Variants in EBF2 observed in about 807,000 individuals in gnomAD.
EBF2 encodes transcription factor COE2.
A neutral mutation model predicts 72.8 loss-of-function variants in EBF2; 21 were observed. The observed-to-expected ratio is 0.29, with a 90% CI of 0.20 to 0.42. The LOEUF is 0.42. Ranked by LOEUF, EBF2 falls within the 10% of genes least tolerant of loss-of-function variation. EBF2 has a pLI of 1.00. For synonymous variants in EBF2, 299 were observed against 274.2 expected (o/e 1.09, Z -0.89); for missense variants, 637 against 731.2 (o/e 0.87, Z 1.49).
chr8:25,888,176 A>AC (rs2117291148), intron 8 of EBF2, among the ~76,000 whole-genome samples: 1 of 152,326 alleles, frequency 6.6e-6, no homozygotes, highest in African/African-American at 2.4e-5. Context: ...AGATAAGAAA[A>AC]CAAATCCTTG....
chr8:25,984,728 G>A (rs1319787753), intron 6 of EBF2, among the ~76,000 whole-genome samples: 2 of 151,876 alleles, frequency 1.3e-5, no homozygotes, highest in Non-Finnish European at 2.9e-5. Context: ...AGAAACCCCT[G>A]CTTCTAGGTA....
chr8:25,914,522 A>G (rs1002371981), intron 6 of EBF2, among the ~76,000 whole-genome samples: 1 of 152,200 alleles, frequency 6.6e-6, no homozygotes, highest in African/African-American at 2.4e-5. Flanking sequence ...AAAGTCCACA[A>G]GAATGAAAAG....
chr8:25,949,876 A>G (rs1446401064), intron 6 of EBF2, among the ~76,000 whole-genome samples: 2 of 152,228 alleles, frequency 1.3e-5, no homozygotes, highest in African/African-American at 4.8e-5. Flanking sequence ...GGCATTCATC[A>G]GTACCACACA....
At chr8:25,884,068 C>T (rs1802648204) in intron 10 of EBF2, among the ~76,000 whole-genome samples, 1 of 152,120 alleles carries the variant, frequency 6.6e-6, no homozygotes, top group East Asian at 1.9e-4. Flanking sequence ...GCTGGTTGCT[C>T]CTCTGCTCAA....
At chr8:25,903,430 T>A (rs929875708) in intron 7 of EBF2, among the ~76,000 whole-genome samples, 2 of 151,914 alleles carry the variant, frequency 1.3e-5, no homozygotes, top group Admixed American at 6.5e-5. Flanking sequence ...GCGCGGTGGC[T>A]CACGCCTGTA....
chr8:25,947,456 A>G (rs1803789826), intron 6 of EBF2, among the ~76,000 whole-genome samples: 1 of 152,192 alleles, frequency 6.6e-6, no homozygotes, highest in African/African-American at 2.4e-5. Context: ...GAACAGACTA[A>G]TACACGCATG....
At position 26,041,005 on chromosome 8, in the gene EBF2, G is replaced by A. The variant is rs1374990306; in HGVS notation, c.289-3C>T. On this transcript the variant is annotated splice_region_variant and splice_polypyrimidine_tract_variant and intron_variant, in intron 2 of 15. Transcript: ENST00000520164. ...TTGGTCTTCTCGTTGCCTTGTTCCT[G>A]AAAAGACAGGCAGCGTTCGATTCCC... The A allele has an allele frequency of 6.2e-7, 1 of 1,614,076 alleles. No homozygotes were observed. The highest frequency in any genetic ancestry group is 1.7e-5 in the Admixed American group (1 of 60,028).
intron 8 of EBF2, among the ~76,000 whole-genome samples, chr8:25,889,113 TTTG>T (rs1285448556): frequency 3.3e-5 from 5 of 152,178 alleles, no homozygotes; most frequent in African/African-American, 1.2e-4. Flanking sequence ...AGTAGCCTAG[TTTG>T]ACCAACATTC....
intron 6 of EBF2, among the ~76,000 whole-genome samples, chr8:25,938,289 G>A (rs771432038): frequency 1.1e-4 from 16 of 151,212 alleles, no homozygotes; most frequent in Admixed American, 2.0e-4. Flanking sequence ...AATGCATCTT[G>A]AGGTATTATT....
intron 9 of EBF2, 135 bp from the exon 10 acceptor site, chr8:25,887,016 T>G: frequency 4.1e-5 from 33 of 800,946 alleles, no homozygotes; most frequent in Non-Finnish European, 5.9e-5. Flanking sequence ...GGAGTACTCC[T>G]AGCTCCAAAT....
intron 15 of EBF2, among the ~76,000 whole-genome samples, chr8:25,846,225 G>T (rs765462038): frequency 6.8e-6 from 1 of 146,192 alleles, no homozygotes; most frequent in Non-Finnish European, 1.5e-5. Context: ...AGTGTAGGAG[G>T]TTTTTTTATT....
At chr8:25,988,306 C>T (rs1209012125) in intron 6 of EBF2, among the ~76,000 whole-genome samples, 1 of 152,206 alleles carries the variant, frequency 6.6e-6, no homozygotes, top group East Asian at 1.9e-4. Flanking sequence ...TATGTCCCAG[C>T]CATTAGTGAG....
intron 6 of EBF2, chr8:26,032,105 C>T (rs1805418547): frequency 6.6e-6 from 1 of 152,180 alleles, no homozygotes; most frequent in Non-Finnish European, 1.5e-5. Context: ...CCTCCTAACC[C>T]ATCATTATAT....
chr8:25,986,494 T>G (rs1392536819), intron 6 of EBF2, among the ~76,000 whole-genome samples: 1 of 152,200 alleles, frequency 6.6e-6, no homozygotes, highest in Admixed American at 6.5e-5. Context: ...GGCACCAAAC[T>G]CACCAGTTTC....
At chr8:25,971,873 T>C (rs1256555416) in intron 6 of EBF2, among the ~76,000 whole-genome samples, 4 of 152,180 alleles carry the variant, frequency 2.6e-5, no homozygotes, top group African/African-American at 9.7e-5. Context: ...GGTGGGAGTC[T>C]GCTCTACAGC....
chr8:25,880,293 C>G (rs145080085), intron 10 of EBF2, among the ~76,000 whole-genome samples: 1 of 152,056 alleles, frequency 6.6e-6, no homozygotes, highest in Non-Finnish European at 1.5e-5. Flanking sequence ...CTTGATGGTG[C>G]CTGTCTTTGG....
rs1162046023 is a variant in EBF2, at chr8:25,876,479, C to T, written c.1009+10276G>A. Among the ~76,000 whole-genome samples, 4 of 152,252 alleles carry T rather than the reference C, an allele frequency of 2.6e-5. No individual in the cohort carries two copies. In the East Asian group the frequency reaches 7.7e-4, roughly 29 times the overall value. Reference sequence around the variant, plus strand: ...TAAAATACACATTCTCAGACCCTCTCAGGAGAGTAGCAAGAAATATTCCCA... The same window carrying T: ...TAAAATACACATTCTCAGACCCTCTTAGGAGAGTAGCAAGAAATATTCCCA... On this transcript the variant is annotated intron_variant, in intron 10 of 15. Coordinates refer to ENST00000520164, the MANE Select transcript of EBF2 (RefSeq NM_022659.4).
In EBF2 at chr8:25,889,078, A is replaced by C. The variant is rs577018636; in HGVS notation, c.751+674T>G. On this transcript the variant is annotated intron_variant, in intron 8 of 15. Transcript: ENST00000520164. The stretch of plus-strand genomic sequence containing the variant: ...TGGGAGGTGGGGGTTGGGTGGTAGT[A>C]TATAACAAAACATCACACTAAAATA... Among the ~76,000 whole-genome samples the C allele has an allele frequency of 9.2e-5, 14 of 152,272 alleles. No individual in the cohort carries two copies. The South Asian group carries it at 2.9e-3, about 32-fold the overall frequency.
At chr8:26,040,565 G>C in intron 4 of EBF2, 51 bp downstream of exon 4, 1 of 1,534,194 alleles carries the variant, frequency 6.5e-7, no homozygotes, top group Non-Finnish European at 8.8e-7. Flanking sequence ...GGGGGGTTTG[G>C]GGGTCGGGGT....
Sources: gnomAD v4.1 joint callset for allele counts (sites outside exome capture counted in the v4.1 genomes callset) on GRCh38, gnomAD v4.1.1 for gene constraint, MANE v1.5 for transcripts, NCBI Gene and HGNC (gene_info 2026-07-23, HGNC 2026-07-21) for gene names.